NNMT: variants seen among roughly 807,000 people sequenced by gnomAD.
NNMT encodes the protein nicotinamide N-methyltransferase.
In NNMT, 10 loss-of-function variants were observed where a neutral mutation model predicts 11.7. The ratio of observed to expected loss-of-function variants is 0.85; its 90% CI spans 0.53 to 1.45. The LOEUF (loss-of-function observed/expected upper bound fraction) is 1.45, where lower values mean the gene tolerates loss of function less well. Among genes scored for constraint, NNMT ranks in the 40% most tolerant of loss-of-function variants. The probability of loss-of-function intolerance (pLI) is 0.00; values close to 1 mark genes in which losing one functional copy is unlikely to be tolerated. For missense variants in NNMT, 381 were observed against 319.4 expected (o/e 1.19, Z -1.47); for synonymous variants, 143 against 133.8 (o/e 1.07, Z -0.48).
At chr11:114,298,339 C>A in intron 2 of NNMT, 181 bp downstream of exon 2, 1 of 591,352 alleles carries the variant, frequency 1.7e-6, no homozygotes. Flanking sequence ...TGTGTATGTG[C>A]ACGTGCATGT....
chr11:114,311,905 T>C, intron 2 of NNMT, 140 bp from the exon 3 acceptor site: 3 of 802,858 alleles, frequency 3.7e-6, no homozygotes, highest in Non-Finnish European at 5.8e-6. Context: ...CCCTCAGTTC[T>C]TCTTTCTCTC....
chr11:114,282,773 T>C (rs1945271451), intron 2 of NNMT, among the ~76,000 whole-genome samples: 6 of 152,072 alleles, frequency 3.9e-5, no homozygotes, highest in African/African-American at 1.4e-4. Flanking sequence ...ATGGAAGAAG[T>C]CTGAGTGCCG....
chr11:114,259,444 G>A (rs111785257), intron 1 of NNMT, among the ~76,000 whole-genome samples: 7 of 152,280 alleles, frequency 4.6e-5, no homozygotes, highest in African/African-American at 1.7e-4. Context: ...AGGAGCAGGA[G>A]GCAACAGGGC....
At chr11:114,297,699 C>T (rs1204835856) in intron 1 of NNMT, among the ~76,000 whole-genome samples, 1 of 152,126 alleles carries the variant, frequency 6.6e-6, no homozygotes, top group Non-Finnish European at 1.5e-5. Context: ...GTTGTCCAGG[C>T]TGGTCTCATC....
intron 2 of NNMT, among the ~76,000 whole-genome samples, chr11:114,265,042 C>G (rs952707813): frequency 1.6e-4 from 24 of 152,208 alleles, no homozygotes; most frequent in African/African-American, 5.1e-4. Context: ...TTCAGCCCCT[C>G]TCCCTTCCCT....
intron 2 of NNMT, among the ~76,000 whole-genome samples, chr11:114,304,273 A>G (rs1000717046): frequency 9.9e-5 from 15 of 152,148 alleles, no homozygotes; most frequent in Admixed American, 9.8e-4. Context: ...CTTTGTTCTC[A>G]CTTTCTGTAT....
intron 2 of NNMT, among the ~76,000 whole-genome samples, chr11:114,303,675 A>T (rs1477028209): frequency 6.6e-6 from 1 of 152,226 alleles, no homozygotes; most frequent in Non-Finnish European, 1.5e-5. Flanking sequence ...TTGTTTAAAT[A>T]TTGCCCCACT....
chr11:114,279,169 C>T (rs1190384753), intron 2 of NNMT, among the ~76,000 whole-genome samples: 1 of 152,152 alleles, frequency 6.6e-6, no homozygotes. Flanking sequence ...TGCTATTGGC[C>T]TCACGGGAGA....
intron 2 of NNMT, among the ~76,000 whole-genome samples, chr11:114,305,243 A>T (rs1017345886): frequency 6.6e-6 from 1 of 152,170 alleles, no homozygotes; most frequent in Non-Finnish European, 1.5e-5. Flanking sequence ...GGTGGGAATC[A>T]GTTGCAGGCA....
chr11:114,289,568 T>C (rs1017674278), intron 2 of NNMT, among the ~76,000 whole-genome samples: 5 of 152,202 alleles, frequency 3.3e-5, no homozygotes, highest in Non-Finnish European at 7.3e-5. Flanking sequence ...TACTACTCAG[T>C]TAGAAATATT....
chr11:114,262,682 AAAACCCCTCCAAC>A lies in NNMT; in HGVS notation c.-216-164_-216-152del, dbSNP rs1288947192. 3.5e-3 allele frequency among the ~76,000 whole-genome samples: 535 copies of A among 152,280 alleles called. 5 individuals carry two copies. Among genetic ancestry groups the A allele is most frequent in the African/African-American group, 0.012 (506 of 41,564 alleles). ...AAATGGATGCAACTAAATGGTTTGG[AAAACCCCTCCAAC>A]ACGAAACTTCTAGGATTCTAGGACT... On this transcript the variant is annotated intron_variant, in intron 1 of 4. Coordinates refer to the NNMT transcript ENST00000535401.
upstream of NNMT, among the ~76,000 whole-genome samples, chr11:114,293,707 A>G (rs1174587146): frequency 5.3e-5 from 8 of 152,070 alleles, no homozygotes; most frequent in Non-Finnish European, 1.2e-4. Context: ...TAGTACAACC[A>G]CTATGGAGAA....
At chr11:114,284,374 G>A (rs926306260) in intron 2 of NNMT, among the ~76,000 whole-genome samples, 1 of 152,230 alleles carries the variant, frequency 6.6e-6, no homozygotes, top group Non-Finnish European at 1.5e-5. Flanking sequence ...TATGGAAACT[G>A]GTCCTGGCTG....
rs1945398492 is a variant in NNMT, at chr11:114,297,980, A to G, written c.184A>G (p.Ile62Val). 9.3e-6 allele frequency: 15 copies of G among 1,613,288 alleles called. No individual in the cohort carries two copies. Among genetic ancestry groups the G allele is most frequent in the African/African-American group, 1.3e-5 (1 of 75,028 alleles). ...DGVKGDLLID[I>V]GSGPTIYQLL... is the part of the protein sequence containing the mutation. ...TGTGAAGGGAGACCTGCTGATTGACATCGGCTCTGGCCCCACTATCTATCA... is the reference window on the plus strand; with the variant it reads ...TGTGAAGGGAGACCTGCTGATTGACGTCGGCTCTGGCCCCACTATCTATCA... Residue 62 changes from isoleucine (I) to valine (V), a missense_variant, in exon 2 of 3, where the codon ATC becomes GTC. Transcript: ENST00000299964.
chr11:114,309,153 C>T (rs1243937056), intron 2 of NNMT, among the ~76,000 whole-genome samples: 1 of 152,208 alleles, frequency 6.6e-6, no homozygotes, highest in East Asian at 1.9e-4. Context: ...TTTTGATATA[C>T]ACTTTATTAT....
At chr11:114,258,505 C>G (rs1042386202) in intron 1 of NNMT, among the ~76,000 whole-genome samples, 1 of 152,258 alleles carries the variant, frequency 6.6e-6, no homozygotes, top group African/African-American at 2.4e-5. Context: ...GTGGGAGCCC[C>G]TCACGCCCCT....
chr11:114,260,743 A>G (rs1241671928), intron 1 of NNMT, among the ~76,000 whole-genome samples: 1 of 152,188 alleles, frequency 6.6e-6, no homozygotes, highest in East Asian at 1.9e-4. Flanking sequence ...ATACGGACCC[A>G]CGGAACCAAG....
intron 2 of NNMT, among the ~76,000 whole-genome samples, chr11:114,305,386 A>C (rs1255401555): frequency 6.6e-6 from 1 of 150,948 alleles, no homozygotes; most frequent in Non-Finnish European, 1.5e-5. Flanking sequence ...TCTAGGGTAC[A>C]TGTGCACAAC....
At chr11:114,281,029 A>AAGCC (rs1027736110) in intron 2 of NNMT, among the ~76,000 whole-genome samples, 1 of 152,150 alleles carries the variant, frequency 6.6e-6, no homozygotes, top group African/African-American at 2.4e-5. Flanking sequence ...AGGCCCAGGA[A>AAGCC]AGCCAACCCA....
Sources: allele counts gnomAD v4.1 joint callset (sites outside exome capture counted in the v4.1 genomes callset), GRCh38; gene constraint gnomAD v4.1.1; transcripts MANE v1.5; gene names NCBI Gene and HGNC (gene_info 2026-07-23, HGNC 2026-07-21).